Variants in ANO2 observed in about 807,000 individuals in gnomAD.
ANO2 encodes the protein anoctamin 2, also known as anoctamin-2.
Under a neutral mutation model 124.2 loss-of-function variants are expected in ANO2, and 101 were observed. The observed-to-expected ratio is 0.81, with a 90% confidence interval of 0.69 to 0.96. ANO2 has a LOEUF of 0.96. ANO2 is among the 40% of genes least tolerant of loss of function. ANO2 has a pLI of 0.00. For synonymous variants in ANO2, 486 were observed against 482.5 expected (o/e 1.01, Z -0.09); for missense variants, 1,293 against 1,274.5 (o/e 1.01, Z -0.22).
intron 14 of ANO2, among the ~76,000 whole-genome samples, chr12:5,701,182 C>T (rs1416141955): frequency 2.3e-5 from 3 of 131,528 alleles, no homozygotes; most frequent in African/African-American, 5.8e-5. Flanking sequence ...CTGTTAATTT[C>T]CTCATCTCTG....
In ANO2 at chr12:5,689,011, C is replaced by T. The variant is rs146745801; in HGVS notation, c.1546-41210G>A. Reference sequence around the variant, plus strand: ...ATGAGGAAAGAGAAGGTGAAAGCCACAGGATGTATTGATTAGGAAGATAAC... The same window carrying T: ...ATGAGGAAAGAGAAGGTGAAAGCCATAGGATGTATTGATTAGGAAGATAAC... On this transcript the variant is annotated intron_variant, in intron 14 of 24. Coordinates refer to ENST00000682330, the MANE Select transcript of ANO2 (RefSeq NM_001364791.2). 1.0e-3 allele frequency among the ~76,000 whole-genome samples: 156 copies of T among 152,036 alleles called. 1 individual carries two copies. The highest frequency in any genetic ancestry group is 3.7e-3 in the African/African-American group (152 of 41,440).
rs151020224 is a variant in ANO2 at position 5,851,415 on chromosome 12, T to C, written c.633+2628A>G. Among the ~76,000 whole-genome samples the C allele has an allele frequency of 9.6e-4, 146 of 152,058 alleles. 2 individuals carry two copies. The East Asian group carries it at 9.7e-3, about 10-fold the overall frequency. ...AGATGTAGAGGTGTCTGGCTGGGTG[T>C]GGTGGCTCACGCTTGTAATCCCAAC... On this transcript the variant is annotated intron_variant, in intron 4 of 24. Coordinates refer to ENST00000682330, the MANE Select transcript of ANO2 (RefSeq NM_001364791.2).
At chr12:5,895,277 T>A (rs566210204) in intron 3 of ANO2, among the ~76,000 whole-genome samples, 20 of 152,338 alleles carry the variant, frequency 1.3e-4, no homozygotes, top group Non-Finnish European at 2.6e-4. Flanking sequence ...TCACTCATGA[T>A]TTGGCTCTCT....
At chr12:5,755,642 G>A (rs1161336470) in intron 10 of ANO2, among the ~76,000 whole-genome samples, 3 of 152,050 alleles carry the variant, frequency 2.0e-5, no homozygotes, top group Non-Finnish European at 4.4e-5. Context: ...ACCAATGAGT[G>A]AGAACATGCG....
chr12:5,867,721 T>C lies in ANO2; in HGVS notation c.535-13580A>G, dbSNP rs183283302. Among the ~76,000 whole-genome samples, 30 of 147,424 alleles carry C rather than the reference T, an allele frequency of 2.0e-4. 1 individual carries two copies. The highest frequency in any genetic ancestry group is 7.2e-4 in the African/African-American group (29 of 40,254). On this transcript the variant is annotated intron_variant, in intron 3 of 24. Coordinates refer to ENST00000682330, the MANE Select transcript of ANO2 (RefSeq NM_001364791.2). ...TATCGAATTAGCTAAAATCTAGATC[T>C]TGGATGTGATGTTGATAAACTAATC... is the stretch of plus-strand genomic sequence containing the variant.
chr12:5,659,625 T>G (rs1474933151), intron 14 of ANO2, among the ~76,000 whole-genome samples: 2 of 152,318 alleles, frequency 1.3e-5, no homozygotes, highest in East Asian at 3.9e-4. Flanking sequence ...ATGGAAAACA[T>G]TTTTTCTTCC....
At chr12:5,608,244 G>T (rs1944314568) in intron 19 of ANO2, among the ~76,000 whole-genome samples, 1 of 150,186 alleles carries the variant, frequency 6.7e-6, no homozygotes, top group Admixed American at 6.7e-5. Flanking sequence ...GAGTTGAAGG[G>T]GTCTGATTTA....
intron 14 of ANO2, 77 bp downstream of exon 14, chr12:5,732,443 C>A: frequency 7.8e-7 from 1 of 1,289,338 alleles, no homozygotes; most frequent in South Asian, 1.4e-5. Context: ...TCTCCCTTCA[C>A]TAAGGCGTGC....
At chr12:5,698,896 A>G (rs532199769) in intron 14 of ANO2, among the ~76,000 whole-genome samples, 5 of 152,328 alleles carry the variant, frequency 3.3e-5, no homozygotes, top group South Asian at 4.1e-4. Context: ...AGTTTAGAGA[A>G]AAAAGAGTAA....
Position 5,921,262 on chromosome 12 carries a change from G to C in ANO2, c.312C>G (p.Ala104=). ...DSQRKVDYVL[A]YHYRKRGVHL... ...GCACCCCGCGTTTCCGGTAGTGGTA[G>C]GCAAGTACATAGTCGACCTTCCTCT... Residue 104 remains alanine, a synonymous_variant, in exon 3 of 25, where the codon GCC becomes GCG. Coordinates refer to ENST00000682330, the MANE Select transcript of ANO2 (RefSeq NM_001364791.2). The C allele has an allele frequency of 6.2e-7, 1 of 1,614,000 alleles. No individual in the cohort carries two copies. Among genetic ancestry groups the C allele is most frequent in the Non-Finnish European group, 8.5e-7 (1 of 1,179,884 alleles).
At chr12:5,877,975 C>T (rs1348054388) in intron 3 of ANO2, among the ~76,000 whole-genome samples, 17 of 152,236 alleles carry the variant, frequency 1.1e-4, no homozygotes. Flanking sequence ...ACCTCCACTA[C>T]CGGCCCACGG....
At chr12:5,812,518 AAGGG>A (rs1269683183) in intron 7 of ANO2, among the ~76,000 whole-genome samples, 4 of 73,736 alleles carry the variant, frequency 5.4e-5, no homozygotes, top group Admixed American at 1.5e-4. Context: ...GGGAAGGAGG[AAGGG>A]AGGGAGGGAG....
At chr12:5,624,280 C>T (rs1019168233) in intron 16 of ANO2, among the ~76,000 whole-genome samples, 1 of 151,974 alleles carries the variant, frequency 6.6e-6, no homozygotes, top group East Asian at 1.9e-4. Flanking sequence ...GACAGACAGA[C>T]AGAGAGACAG....
intron 14 of ANO2, among the ~76,000 whole-genome samples, chr12:5,653,793 A>C (rs905321286): frequency 2.0e-5 from 3 of 152,178 alleles, no homozygotes; most frequent in African/African-American, 4.8e-5. Flanking sequence ...GGAGGGAGTG[A>C]CTTCCAGCCC....
At chr12:5,758,366 G>A (rs1300635670) in intron 10 of ANO2, among the ~76,000 whole-genome samples, 1 of 152,220 alleles carries the variant, frequency 6.6e-6, no homozygotes, top group Non-Finnish European at 1.5e-5. Flanking sequence ...TCTGAGGCTT[G>A]AGTGCACAGA....
intron 4 of ANO2, among the ~76,000 whole-genome samples, chr12:5,853,342 T>C (rs1255994404): frequency 6.9e-6 from 1 of 145,742 alleles, no homozygotes; most frequent in African/African-American, 2.6e-5. Context: ...TATCCTGGAT[T>C]AAAAAAAAAA....
At chr12:5,671,801 T>C (rs1336167500) in intron 14 of ANO2, among the ~76,000 whole-genome samples, 2 of 152,334 alleles carry the variant, frequency 1.3e-5, no homozygotes, top group South Asian at 4.1e-4. Flanking sequence ...CCAAAGTCTG[T>C]GTCCTGGAAG....
Position 5,884,694 on chromosome 12 carries a change from T to A in ANO2, c.535-30553A>T, listed in dbSNP as rs573024227. On this transcript the variant is annotated intron_variant, in intron 3 of 24. Coordinates refer to ENST00000682330, the MANE Select transcript of ANO2 (RefSeq NM_001364791.2). The stretch of plus-strand genomic sequence containing the variant: ...TGGAAGGAAACAACAACCATTGAGA[T>A]CCTTTTGTTCAACTCATGACCTAGG... 3.9e-5 allele frequency among the ~76,000 whole-genome samples: 6 copies of A among 152,290 alleles called. No homozygotes were observed. In the South Asian group the frequency reaches 1.2e-3, roughly 32 times the overall value.
At chr12:5,727,824 C>T (rs569089618) in intron 14 of ANO2, among the ~76,000 whole-genome samples, 26 of 138,782 alleles carry the variant, frequency 1.9e-4, no homozygotes, top group Admixed American at 5.8e-4. Context: ...TTTTTTTTTT[C>T]GAGACAGAGT....
Sources: gnomAD v4.1 joint callset for allele counts (sites outside exome capture counted in the v4.1 genomes callset) on GRCh38, gnomAD v4.1.1 for gene constraint, MANE v1.5 for transcripts, NCBI Gene and HGNC (gene_info 2026-07-23, HGNC 2026-07-21) for gene names.